DACH1: variants seen among roughly 807,000 people sequenced by gnomAD.
DACH1 encodes dachshund homolog 1.
In DACH1, 12 loss-of-function variants were observed where a neutral mutation model predicts 54.2. The observed-to-expected ratio is 0.22, with a 90% confidence interval of 0.14 to 0.36. DACH1 has a LOEUF of 0.36. Among genes scored for constraint, DACH1 ranks in the 10% least tolerant of loss-of-function variants. The pLI is 1.00. For synonymous variants in DACH1, 386 were observed against 366.2 expected (o/e 1.05, Z -0.62); for missense variants, 805 against 929.8 (o/e 0.87, Z 1.75).
At chr13:71,704,313 G>A (rs1413237438) in intron 1 of DACH1, 17 of 378,116 alleles carry the variant, frequency 4.5e-5, no homozygotes, top group Non-Finnish European at 7.1e-5. Context: ...AAGAGAATGC[G>A]TACTGTTCAA....
At chr13:71,706,267 CTT>C (rs1882438429) in intron 1 of DACH1, among the ~76,000 whole-genome samples, 2 of 151,282 alleles carry the variant, frequency 1.3e-5, no homozygotes, top group Admixed American at 1.3e-4. Context: ...TATTATTAAT[CTT>C]TATATTAATT....
intron 1 of DACH1, among the ~76,000 whole-genome samples, chr13:71,772,003 C>T (rs561940238): frequency 6.8e-4 from 103 of 151,510 alleles, no homozygotes; most frequent in African/African-American, 2.4e-3. Flanking sequence ...TTAAAGATTA[C>T]AATTTACTAT....
rs116594504 is a variant in DACH1, at chr13:71,779,313, A to G, written c.848+86609T>C. 8.3e-3 allele frequency among the ~76,000 whole-genome samples: 1,205 copies of G among 145,794 alleles called. 41 individuals are homozygous for G. The highest frequency in any genetic ancestry group is 0.028 in the African/African-American group (1,133 of 39,776). On this transcript the variant is annotated intron_variant, in intron 1 of 10. Transcript: ENST00000613252. ...TATACACATATATATATTTATATAC[A>G]TATATATATAACATGCAAAGGTAAC... is the stretch of plus-strand genomic sequence containing the variant.
chr13:71,444,166 A>T (rs1000973880), intron 10 of DACH1, among the ~76,000 whole-genome samples: 2 of 152,184 alleles, frequency 1.3e-5, no homozygotes, highest in African/African-American at 4.8e-5. Flanking sequence ...CTTGGCTAAA[A>T]ATTGGACTGT....
chr13:71,795,371 A>G (rs779668146), intron 1 of DACH1, among the ~76,000 whole-genome samples: 4 of 152,146 alleles, frequency 2.6e-5, no homozygotes, highest in Non-Finnish European at 5.9e-5. Context: ...ACAGTGAACC[A>G]TGTTTACTTT....
At chr13:71,597,337 ACAT>A (rs1161321005) in intron 3 of DACH1, among the ~76,000 whole-genome samples, 2 of 152,238 alleles carry the variant, frequency 1.3e-5, no homozygotes, top group South Asian at 2.1e-4. Flanking sequence ...ATATTTCAAC[ACAT>A]CATTCTGTAC....
intron 1 of DACH1, among the ~76,000 whole-genome samples, chr13:71,863,754 T>C (rs938660449): frequency 6.6e-6 from 1 of 151,512 alleles, no homozygotes; most frequent in Non-Finnish European, 1.5e-5. Flanking sequence ...ATGCAGTCAT[T>C]GAAGAAAGTT....
At chr13:71,558,488 T>C (rs911426494) in intron 5 of DACH1, among the ~76,000 whole-genome samples, 18 of 151,950 alleles carry the variant, frequency 1.2e-4, no homozygotes, top group Non-Finnish European at 7.4e-5. Context: ...ACAAAACTCA[T>C]TCAAATCTTC....
chr13:71,699,186 T>G (rs1881986570), intron 1 of DACH1, among the ~76,000 whole-genome samples: 1 of 152,182 alleles, frequency 6.6e-6, no homozygotes, highest in Non-Finnish European at 1.5e-5. Context: ...TCAAAAGTCC[T>G]GTATACCAAG....
intron 3 of DACH1, among the ~76,000 whole-genome samples, chr13:71,612,520 G>A (rs1338053115): frequency 6.6e-6 from 1 of 152,056 alleles, no homozygotes; most frequent in Non-Finnish European, 1.5e-5. Context: ...ATAACCTGGA[G>A]TAAACACCAA....
At chr13:71,756,365 T>C (rs1314919303) in intron 1 of DACH1, among the ~76,000 whole-genome samples, 2 of 152,040 alleles carry the variant, frequency 1.3e-5, no homozygotes, top group Non-Finnish European at 2.9e-5. Context: ...AAAGTATACT[T>C]AGACCCCATC....
intron 6 of DACH1, among the ~76,000 whole-genome samples, chr13:71,524,722 C>T (rs1881837330): frequency 6.6e-6 from 1 of 151,952 alleles, no homozygotes; most frequent in Admixed American, 6.6e-5. Flanking sequence ...ATGGAGATAG[C>T]ATATTTGCAA....
At chr13:71,671,956 T>G (rs1170888876) in intron 2 of DACH1, among the ~76,000 whole-genome samples, 1 of 152,138 alleles carries the variant, frequency 6.6e-6, no homozygotes, top group Non-Finnish European at 1.5e-5. Context: ...TATCATCCAC[T>G]TTCAGATTAT....
intron 6 of DACH1, among the ~76,000 whole-genome samples, chr13:71,514,023 A>G (rs1009884290): frequency 1.6e-4 from 24 of 152,104 alleles, no homozygotes; most frequent in Non-Finnish European, 1.5e-5. Context: ...TGGTTTAGCC[A>G]TATAATCAAT....
rs6562680 is a variant in DACH1, at chr13:71,730,225, T to C, written c.849-48315A>G. Among the ~76,000 whole-genome samples, 9 of 151,636 alleles carry C rather than the reference T, an allele frequency of 5.9e-5. No homozygotes were observed. The East Asian group carries it at 1.6e-3, about 26-fold the overall frequency. ...TAATAATTTTAAAAAAAGAGAAAAA[T>C]AAAGAAAAATAAAGCAACAAAGGTG... On this transcript the variant is annotated intron_variant, in intron 1 of 10. Transcript: ENST00000613252.
intron 1 of DACH1, among the ~76,000 whole-genome samples, chr13:71,762,629 T>C (rs1026487938): frequency 6.6e-6 from 1 of 150,552 alleles, no homozygotes; most frequent in South Asian, 2.1e-4. Context: ...TACCCGGGCA[T>C]GGTGGGGCAT....
intron 6 of DACH1, among the ~76,000 whole-genome samples, chr13:71,540,929 C>T (rs1451044482): frequency 1.3e-5 from 2 of 151,828 alleles, no homozygotes; most frequent in Non-Finnish European, 2.9e-5. Context: ...AAACCCTTTC[C>T]TTAACACATA....
intron 3 of DACH1, among the ~76,000 whole-genome samples, chr13:71,610,162 T>A (rs114725806): frequency 3.3e-5 from 5 of 151,822 alleles, no homozygotes; most frequent in African/African-American, 4.9e-5. Flanking sequence ...GTGGGAAAGA[T>A]GATGCTGGAC....
chr13:71,798,323 CATATATATATAT>C (rs35310464), intron 1 of DACH1, among the ~76,000 whole-genome samples: 1,407 of 96,488 alleles, frequency 0.015, 42 homozygotes, highest in East Asian at 0.1. Context: ...TTGTTACATA[CATATATATATAT>C]ATATATATAT....
Sources: gnomAD v4.1 joint callset for allele counts (sites outside exome capture counted in the v4.1 genomes callset) on GRCh38, gnomAD v4.1.1 for gene constraint, MANE v1.5 for transcripts, NCBI Gene and HGNC (gene_info 2026-07-23, HGNC 2026-07-21) for gene names.